The following MIPOL1 variants were observed in gnomAD, a reference collection of about 807,000 sequenced individuals.
The protein encoded by MIPOL1 is mirror-image polydactyly 1, also known as mirror-image polydactyly gene 1 protein.
MIPOL1 carries 57 observed loss-of-function variants against 60.9 expected under a neutral mutation model. That is an observed-to-expected ratio of 0.94 (90% CI 0.76 to 1.17). The LOEUF (loss-of-function observed/expected upper bound fraction) is 1.17, where lower values mean the gene tolerates loss of function less well. Among genes scored for constraint, MIPOL1 ranks in the 50% most tolerant of loss-of-function variants. The pLI is 0.00. For missense variants in MIPOL1, 551 were observed against 511.6 expected, an observed-to-expected ratio of 1.08 and a Z score of -0.74; for synonymous variants, 179 against 168.8, an observed-to-expected ratio of 1.06 and a Z score of -0.47.
chr14:37,430,968 A>G (rs931629823), intron 11 of MIPOL1, among the ~76,000 whole-genome samples: 1 of 152,222 alleles, frequency 6.6e-6, no homozygotes, highest in African/African-American at 2.4e-5. Context: ...ATAGCTCTCA[A>G]CTGCTAATTG....
intron 12 of MIPOL1, among the ~76,000 whole-genome samples, chr14:37,545,398 T>C (rs2095543647): frequency 6.6e-6 from 1 of 152,210 alleles, no homozygotes; most frequent in African/African-American, 2.4e-5. Flanking sequence ...GCACTAGTTT[T>C]TAACCACTAG....
At chr14:37,521,910 A>ATATATTT (rs572835469) in intron 12 of MIPOL1, among the ~76,000 whole-genome samples, 11 of 132,770 alleles carry the variant, frequency 8.3e-5, no homozygotes, top group African/African-American at 3.1e-4. Flanking sequence ...ATATATATAT[A>ATATATTT]TTTTTTTTTT....
intron 4 of MIPOL1, among the ~76,000 whole-genome samples, chr14:37,267,370 C>T (rs534230631): frequency 2.6e-5 from 4 of 152,080 alleles, no homozygotes; most frequent in African/African-American, 9.7e-5. Flanking sequence ...TGCCTGTAAT[C>T]CCAGCTACTC....
At chr14:37,325,362 A>G (rs756677198) in intron 9 of MIPOL1, among the ~76,000 whole-genome samples, 41 of 151,938 alleles carry the variant, frequency 2.7e-4, no homozygotes, top group Non-Finnish European at 4.7e-4. Context: ...GCAAAAATAT[A>G]CTCTTTTTTA....
chr14:37,457,807 T>C (rs1251354318), intron 11 of MIPOL1, among the ~76,000 whole-genome samples: 5 of 152,182 alleles, frequency 3.3e-5, no homozygotes, highest in Non-Finnish European at 7.3e-5. Flanking sequence ...TGAGGAAACA[T>C]ATAACTAAAT....
At chr14:37,210,614 T>A (rs1000825435) in intron 1 of MIPOL1, among the ~76,000 whole-genome samples, 4 of 151,690 alleles carry the variant, frequency 2.6e-5, no homozygotes, top group African/African-American at 9.7e-5. Flanking sequence ...AGAGAATGAG[T>A]TTTGCTGACA....
At chr14:37,456,612 T>G (rs751587219) in intron 11 of MIPOL1, among the ~76,000 whole-genome samples, 10 of 152,164 alleles carry the variant, frequency 6.6e-5, no homozygotes, top group Non-Finnish European at 1.5e-4. Flanking sequence ...CCTGCTAAAT[T>G]AAAATTTAAT....
chr14:37,551,726 G>T (rs2095562023), downstream of MIPOL1: 2 of 151,516 alleles, frequency 1.3e-5, no homozygotes. Context: ...GTACAAAAAA[G>T]AAGTTAGCCG....
chr14:37,262,422 C>T (rs1318063285), intron 3 of MIPOL1, among the ~76,000 whole-genome samples: 1 of 151,862 alleles, frequency 6.6e-6, no homozygotes, highest in Non-Finnish European at 1.5e-5. Flanking sequence ...AAAAGGAAGT[C>T]TTATATTTTG....
intron 7 of MIPOL1, among the ~76,000 whole-genome samples, chr14:37,292,248 A>G (rs1055483399): frequency 6.6e-6 from 1 of 151,852 alleles, no homozygotes; most frequent in Non-Finnish European, 1.5e-5. Flanking sequence ...AAATTTTAAC[A>G]TGAGTTTTGG....
At chr14:37,235,057 C>G (rs111332819) in intron 1 of MIPOL1, among the ~76,000 whole-genome samples, 2 of 150,762 alleles carry the variant, frequency 1.3e-5, no homozygotes, top group South Asian at 2.1e-4. Flanking sequence ...TCCCAAAGTG[C>G]TGGGATTACA....
chr14:37,397,204 G>A (rs1447750873), intron 10 of MIPOL1, among the ~76,000 whole-genome samples: 1 of 152,138 alleles, frequency 6.6e-6, no homozygotes, highest in South Asian at 2.1e-4. Context: ...TCCTATGGAT[G>A]TGGCTTCCTG....
intron 9 of MIPOL1, among the ~76,000 whole-genome samples, chr14:37,334,465 A>G (rs1184386384): frequency 6.6e-6 from 1 of 152,006 alleles, no homozygotes; most frequent in African/African-American, 2.4e-5. Flanking sequence ...GTAGAAATAG[A>G]TTCATTCATA....
Position 37,410,378 on chromosome 14 carries a change from GAAA to G in MIPOL1, c.937-12475_937-12473del, listed in dbSNP as rs1167364330. Among the ~76,000 whole-genome samples, 4 of 151,960 alleles carry G rather than the reference GAAA, an allele frequency of 2.6e-5. No homozygotes were observed. The South Asian group carries it at 8.3e-4, about 32-fold the overall frequency. ...ATAATAATAATAAAATTTAAAAAAA[GAAA>G]ATAACTGCCTGTTTAAAATTACATA... On this transcript the variant is annotated intron_variant, in intron 10 of 12. Transcript: ENST00000684589.
chr14:37,203,644 A>T (rs1330707377), intron 1 of MIPOL1, among the ~76,000 whole-genome samples: 2 of 151,732 alleles, frequency 1.3e-5, no homozygotes, highest in African/African-American at 4.8e-5. Flanking sequence ...TTTTGCTGGC[A>T]CTCTGTTGCT....
At chr14:37,363,908 G>C (rs1032409605) in intron 9 of MIPOL1, among the ~76,000 whole-genome samples, 2 of 152,224 alleles carry the variant, frequency 1.3e-5, no homozygotes, top group Non-Finnish European at 2.9e-5. Context: ...CTAGCAGTGA[G>C]CCATGTTCCG....
chr14:37,468,085 T>G (rs1361627033), intron 11 of MIPOL1, among the ~76,000 whole-genome samples: 1 of 151,832 alleles, frequency 6.6e-6, no homozygotes, highest in Non-Finnish European at 1.5e-5. Context: ...GATCAGAGAT[T>G]TTGATCGGCT....
At chr14:37,481,560 AACACACACACACACACACACACACACAC>A (rs3062719) in intron 11 of MIPOL1, among the ~76,000 whole-genome samples, 2 of 113,148 alleles carry the variant, frequency 1.8e-5, no homozygotes, top group Non-Finnish European at 3.5e-5. Context: ...GACCCCCCCC[AACACACACACACACACACACACACACAC>A]ACACACACAC....
chr14:37,355,290 G>T (rs1000069497), intron 9 of MIPOL1, among the ~76,000 whole-genome samples: 1 of 120,096 alleles, frequency 8.3e-6, no homozygotes, highest in African/African-American at 3.0e-5. Context: ...TTAGTCTGAT[G>T]GGCTTCCCTT....
Sources: gnomAD v4.1 joint callset for allele counts (sites outside exome capture counted in the v4.1 genomes callset) on GRCh38, gnomAD v4.1.1 for gene constraint, MANE v1.5 for transcripts, NCBI Gene and HGNC (gene_info 2026-07-23, HGNC 2026-07-21) for gene names.